The following SPIN1 variants were observed in gnomAD, a reference collection of about 807,000 sequenced individuals.
SPIN1 encodes the protein spindlin 1.
A neutral mutation model predicts 26.0 loss-of-function variants in SPIN1; 3 were observed. That is an observed-to-expected ratio of 0.12 (90% CI 0.05 to 0.30). The LOEUF (loss-of-function observed/expected upper bound fraction) is 0.30. SPIN1 is among the 10% of genes least tolerant of loss of function. The probability of loss-of-function intolerance (pLI) is 1.00; values close to 1 mark genes in which losing one functional copy is unlikely to be tolerated. For missense variants in SPIN1, 126 were observed against 333.4 expected, an observed-to-expected ratio of 0.38 and a Z score of 4.84; for synonymous variants, 101 against 116.5, an observed-to-expected ratio of 0.87 and a Z score of 0.86.
At chr9:88,419,936 C>A (rs1272400161) in intron 1 of SPIN1, among the ~76,000 whole-genome samples, 1 of 152,212 alleles carries the variant, frequency 6.6e-6, no homozygotes, top group East Asian at 1.9e-4. Flanking sequence ...TTCCAGTTGG[C>A]ATGATAATGC....
At chr9:88,447,175 T>C (rs1828269031) in intron 2 of SPIN1, among the ~76,000 whole-genome samples, 1 of 152,216 alleles carries the variant, frequency 6.6e-6, no homozygotes, top group African/African-American at 2.4e-5. Context: ...GCTCTTTGTA[T>C]CTCACATTCA....
chr9:88,432,271 C>T (rs1187931964), intron 2 of SPIN1, among the ~76,000 whole-genome samples: 1 of 146,926 alleles, frequency 6.8e-6, no homozygotes, highest in Non-Finnish European at 1.5e-5. Context: ...CTCACTGCAA[C>T]CTCCACCTCC....
chr9:88,444,691 C>CTTTTTTTT (rs1226379698), intron 2 of SPIN1, among the ~76,000 whole-genome samples: 1 of 123,068 alleles, frequency 8.1e-6, no homozygotes, highest in Non-Finnish European at 1.7e-5. Context: ...CTTTTCTTTT[C>CTTTTTTTT]TTTTTTTTTT....
chr9:88,468,262 C>A (rs1460614223), intron 4 of SPIN1, 110 bp from the exon 5 acceptor site: 1 of 717,324 alleles, frequency 1.4e-6, no homozygotes, highest in Non-Finnish European at 2.2e-6. Flanking sequence ...CTTGCTAATA[C>A]GTTGCATGGA....
intron 1 of SPIN1, among the ~76,000 whole-genome samples, chr9:88,403,554 T>A (rs1358417627): frequency 2.6e-5 from 4 of 151,962 alleles, no homozygotes; most frequent in Admixed American, 1.3e-4. Context: ...ACAGAAAATT[T>A]AAAAAAATTA....
In SPIN1 at chr9:88,475,265, G is replaced by A; in HGVS notation, c.777G>A (p.Val259=). 1.2e-6 allele frequency: 2 copies of A among 1,613,558 alleles called. No individual in the cohort carries two copies. The highest frequency in any genetic ancestry group is 1.7e-6 in the Non-Finnish European group (2 of 1,179,784). ...DDFHIYVYDL[V]KTS is the part of the protein sequence containing the mutation. ...TCCATATTTATGTCTACGATTTGGT[G>A]AAAACATCCTAGATGTCATCACAAA... Residue 259 remains valine (V), a synonymous_variant, in exon 6 of 6, where the codon GTG becomes GTA. Coordinates refer to ENST00000375859, the MANE Select transcript of SPIN1 (RefSeq NM_006717.3).
intron 4 of SPIN1, among the ~76,000 whole-genome samples, chr9:88,467,137 C>G (rs1828685602): frequency 6.6e-6 from 1 of 152,074 alleles, no homozygotes; most frequent in Non-Finnish European, 1.5e-5. Context: ...AGTCTTAAAA[C>G]CAATGGGATC....
At chr9:88,414,544 G>A (rs1191543437) in intron 1 of SPIN1, among the ~76,000 whole-genome samples, 2 of 152,196 alleles carry the variant, frequency 1.3e-5, no homozygotes, top group African/African-American at 4.8e-5. Context: ...GTGATATCAC[G>A]TGGCTGACCT....
In SPIN1 at chr9:88,477,518, G is replaced by A. The variant is rs903276583; in HGVS notation, c.*2241G>A. 6.6e-6 allele frequency: 1 copy of A among 152,250 alleles called. No homozygotes were observed. The highest frequency in any genetic ancestry group is 2.4e-5 in the African/African-American group (1 of 41,394). The allele number at this position is 152,250 out of a possible 1,614,324, so 9.4% of individuals were successfully genotyped here. The stretch of plus-strand genomic sequence containing the variant: ...ATCATTGTTCATTTATTGCCTTTAG[G>A]GCTGAGGGAAAGGGAAGGTTTGTTT... On this transcript the variant is annotated 3_prime_UTR_variant, in exon 6 of 6. Coordinates refer to ENST00000375859, the MANE Select transcript of SPIN1 (RefSeq NM_006717.3).
At chr9:88,447,293 T>C (rs978042232) in intron 2 of SPIN1, among the ~76,000 whole-genome samples, 3 of 152,238 alleles carry the variant, frequency 2.0e-5, no homozygotes, top group Non-Finnish European at 4.4e-5. Flanking sequence ...TTTTAACATA[T>C]TTATTAATGT....
At chr9:88,403,578 G>A (rs1827232864) in intron 1 of SPIN1, among the ~76,000 whole-genome samples, 1 of 152,112 alleles carries the variant, frequency 6.6e-6, no homozygotes, top group Non-Finnish European at 1.5e-5. Flanking sequence ...GTGTGTGGTG[G>A]CACACACCTG....
At chr9:88,473,643 T>TTGTGTGTGTGTGTGTGTG (rs113216961) in intron 5 of SPIN1, among the ~76,000 whole-genome samples, 1 of 119,256 alleles carries the variant, frequency 8.4e-6, no homozygotes, top group African/African-American at 2.9e-5. Context: ...TTCTCCAAAC[T>TTGTGTGTGTGTGTGTGTG]TGTGTGTGTG....
intron 3 of SPIN1, among the ~76,000 whole-genome samples, chr9:88,460,243 T>C (rs1263985647): frequency 6.6e-6 from 1 of 152,170 alleles, no homozygotes; most frequent in Non-Finnish European, 1.5e-5. Flanking sequence ...TTTACTTTTG[T>C]CCCCGTCTGT....
At chr9:88,473,526 A>G (rs1016691142) in intron 5 of SPIN1, among the ~76,000 whole-genome samples, 2 of 152,216 alleles carry the variant, frequency 1.3e-5, no homozygotes, top group African/African-American at 4.8e-5. Flanking sequence ...ACATTTTTTT[A>G]TAGATAAATA....
In SPIN1 at chr9:88,437,684, C is replaced by T. The variant is rs375443887; in HGVS notation, c.52+11093C>T. Among the ~76,000 whole-genome samples, 209 of 152,248 alleles carry T rather than the reference C, an allele frequency of 1.4e-3. 5 individuals carry two copies. The South Asian group carries it at 0.036, about 27-fold the overall frequency. On this transcript the variant is annotated intron_variant, in intron 2 of 5. Coordinates refer to ENST00000375859, the MANE Select transcript of SPIN1 (RefSeq NM_006717.3). ...AAACTGTCTTCCAAAGCGGCTCTAC[C>T]GTTTTGCATTTCCACAAGCAACTAG...
chr9:88,406,292 A>ATT (rs34100420), intron 1 of SPIN1, among the ~76,000 whole-genome samples: 4 of 135,462 alleles, frequency 3.0e-5, no homozygotes, highest in Admixed American at 7.2e-5. Flanking sequence ...ATATACTAGA[A>ATT]TTTTTTTTTT....
chr9:88,390,083 T>C (rs1428009670), intron 1 of SPIN1, among the ~76,000 whole-genome samples: 1 of 152,186 alleles, frequency 6.6e-6, no homozygotes, highest in Non-Finnish European at 1.5e-5. Flanking sequence ...TTAGGAAAAA[T>C]AGTTTCTTTA....
At chr9:88,449,252 A>C (rs142800157) in intron 3 of SPIN1, among the ~76,000 whole-genome samples, 47 of 152,030 alleles carry the variant, frequency 3.1e-4, no homozygotes, top group African/African-American at 8.0e-4. Context: ...TGTTATGGTA[A>C]GTGTGGCAGG....
intron 2 of SPIN1, among the ~76,000 whole-genome samples, chr9:88,431,415 C>T (rs1299288158): frequency 2.6e-5 from 4 of 151,498 alleles, no homozygotes; most frequent in African/African-American, 9.7e-5. Context: ...CTTAGTCTCC[C>T]TAGTAGCTGG....
Sources: gnomAD v4.1 joint callset for allele counts (sites outside exome capture counted in the v4.1 genomes callset) on GRCh38, gnomAD v4.1.1 for gene constraint, MANE v1.5 for transcripts, NCBI Gene and HGNC (gene_info 2026-07-23, HGNC 2026-07-21) for gene names.